Variants in WWP1 observed in about 807,000 individuals in gnomAD.
WWP1 encodes WW domain containing E3 ubiquitin protein ligase 1.
A neutral mutation model predicts 130.6 loss-of-function variants in WWP1; 49 were observed. The ratio of observed to expected loss-of-function variants is 0.38; its 90% CI spans 0.30 to 0.48. The LOEUF (loss-of-function observed/expected upper bound fraction) is 0.48, where lower values mean the gene tolerates loss of function less well. Among genes scored for constraint, WWP1 ranks in the 20% least tolerant of loss-of-function variants. WWP1 has a pLI of 0.99. For missense variants in WWP1, 809 were observed against 1,100.6 expected (o/e 0.74, Z 3.75); for synonymous variants, 332 against 367.8 (o/e 0.90, Z 1.11).
At chr8:86,404,853 C>G (rs1001581009) in intron 8 of WWP1, among the ~76,000 whole-genome samples, 1 of 152,188 alleles carries the variant, frequency 6.6e-6, no homozygotes, top group Non-Finnish European at 1.5e-5. Flanking sequence ...GTGCACTTTG[C>G]CTTCTTCCTA....
At chr8:86,435,810 A>G in intron 16 of WWP1, 106 bp downstream of exon 16, 2 of 1,034,708 alleles carry the variant, frequency 1.9e-6, no homozygotes, top group African/African-American at 1.6e-5. Context: ...GAACACAGCT[A>G]TAATAATAAT....
In WWP1 at chr8:86,461,212, A is replaced by G; in HGVS notation, c.2500-12A>G. ...AGCATTTCATATTAAAGTACATTTA[A>G]TTTCATTACAGTTTGTGAAAGAGAC... On this transcript the variant is annotated splice_polypyrimidine_tract_variant and intron_variant, in intron 22 of 24. Transcript: ENST00000517970. 6.2e-7 allele frequency: 1 copy of G among 1,609,512 alleles called. No individual in the cohort carries two copies. Among genetic ancestry groups the G allele is most frequent in the South Asian group, 1.1e-5 (1 of 90,854 alleles).
intron 17 of WWP1, among the ~76,000 whole-genome samples, chr8:86,439,381 T>C (rs1303625635): frequency 1.3e-5 from 2 of 150,478 alleles, no homozygotes; most frequent in Non-Finnish European, 3.0e-5. Flanking sequence ...TTTGTAGAAA[T>C]GAGGGTCTCA....
intron 5 of WWP1, among the ~76,000 whole-genome samples, chr8:86,397,498 C>T (rs2130480633): frequency 6.6e-6 from 1 of 152,214 alleles, no homozygotes; most frequent in East Asian, 1.9e-4. Context: ...ATGTACAACA[C>T]ATTATTTACT....
intron 14 of WWP1, 134 bp from the exon 15 acceptor site, chr8:86,435,318 A>G: frequency 1.2e-6 from 1 of 858,192 alleles, no homozygotes; most frequent in Non-Finnish European, 1.8e-6. Flanking sequence ...CCCACCATGT[A>G]TGTATACCCT....
At chr8:86,437,084 T>C (rs1048666921) in intron 16 of WWP1, among the ~76,000 whole-genome samples, 4 of 152,206 alleles carry the variant, frequency 2.6e-5, no homozygotes, top group African/African-American at 9.6e-5. Flanking sequence ...TTACCCTGTC[T>C]TGGGAAGAAT....
chr8:86,349,531 T>C (rs1252699927), intron 1 of WWP1, among the ~76,000 whole-genome samples: 1 of 152,168 alleles, frequency 6.6e-6, no homozygotes, highest in Non-Finnish European at 1.5e-5. Context: ...CGGAAAACTG[T>C]TTTGGAAGCT....
At chr8:86,461,351 A>G (rs780718987) in intron 23 of WWP1, 31 bp downstream of exon 23, 1 of 1,581,864 alleles carries the variant, frequency 6.3e-7, no homozygotes, top group Non-Finnish European at 8.7e-7. Context: ...ATTTCTCTGT[A>G]CGTAATTTTG....
intron 11 of WWP1, among the ~76,000 whole-genome samples, chr8:86,429,863 T>A (rs1016273403): frequency 1.3e-5 from 2 of 152,190 alleles, no homozygotes; most frequent in Non-Finnish European, 2.9e-5. Context: ...AACTAATAAT[T>A]AATTTGATAG....
At chr8:86,407,787 TAG>T (rs1215990313) in intron 8 of WWP1, among the ~76,000 whole-genome samples, 1 of 152,204 alleles carries the variant, frequency 6.6e-6, no homozygotes, top group African/African-American at 2.4e-5. Flanking sequence ...GGGGAGATTG[TAG>T]AGAGTTCCCA....
intron 9 of WWP1, among the ~76,000 whole-genome samples, chr8:86,415,129 G>A (rs961509848): frequency 6.6e-6 from 1 of 152,116 alleles, no homozygotes; most frequent in African/African-American, 2.4e-5. Context: ...GTTATGCCAA[G>A]CACGATTTTG....
intron 1 of WWP1, among the ~76,000 whole-genome samples, chr8:86,358,595 A>G (rs551552091): frequency 4.0e-5 from 6 of 151,588 alleles, no homozygotes; most frequent in African/African-American, 1.5e-4. Flanking sequence ...TGATTGTCCT[A>G]CCTCAGCCTC....
At chr8:86,464,936 G>GA (rs1811967276) in intron 24 of WWP1, among the ~76,000 whole-genome samples, 1 of 152,110 alleles carries the variant, frequency 6.6e-6, no homozygotes, top group African/African-American at 2.4e-5. Context: ...TGTGTGTATT[G>GA]AGAGAGAGAT....
chr8:86,398,403 T>C lies in WWP1; in HGVS notation c.396T>C (p.Thr132=). The change falls in exon 6 of 25, where the codon ACT becomes ACC. Residue 132 remains threonine (T), a synonymous_variant. Coordinates refer to ENST00000517970, the MANE Select transcript of WWP1 (RefSeq NM_007013.4). The part of the protein sequence containing the change: ...SLENKNGIAQ[T]GELTVVLDGL... Reference sequence around the variant, plus strand: ...AAAACAAGAATGGCATAGCACAAACTGGTGAATTGACAGTTGTGCTTGATG... The same window carrying C: ...AAAACAAGAATGGCATAGCACAAACCGGTGAATTGACAGTTGTGCTTGATG... The C allele has an allele frequency of 6.2e-7, 1 of 1,612,374 alleles. No individual in the cohort carries two copies. Among genetic ancestry groups the C allele is most frequent in the Non-Finnish European group, 8.5e-7 (1 of 1,179,026 alleles).
At chr8:86,407,617 T>TC (rs1312413121) in intron 8 of WWP1, among the ~76,000 whole-genome samples, 5 of 152,188 alleles carry the variant, frequency 3.3e-5, no homozygotes, top group Non-Finnish European at 5.9e-5. Flanking sequence ...AACAGTAATC[T>TC]CTCCAGTCAA....
chr8:86,414,887 C>CCCCT (rs1554567403), intron 9 of WWP1, among the ~76,000 whole-genome samples: 2 of 129,788 alleles, frequency 1.5e-5, no homozygotes, highest in African/African-American at 3.1e-5. Flanking sequence ...AATCCCCCCC[C>CCCCT]CATCCCCCCA....
In WWP1 at chr8:86,430,710, C is replaced by T; in HGVS notation, c.1346C>T (p.Ala449Val). Residue 449 changes from alanine to valine, a missense_variant, in exon 12 of 25, where the codon GCT (alanine) becomes GTT (valine). Transcript: ENST00000517970. Reference sequence around the variant, plus strand: ...TTCTCCAATCAGGCTTCAATGTTAGCTGCAGAAAATGACCCTTATGGACCT... The same window carrying T: ...TTCTCCAATCAGGCTTCAATGTTAGTTGCAGAAAATGACCCTTATGGACCT... The part of the protein sequence containing the change: ...QRYLYSASML[A>V]AENDPYGPLP... 6.3e-7 allele frequency: 1 copy of T among 1,582,116 alleles called. No individual in the cohort carries two copies. The highest frequency in any genetic ancestry group is 8.6e-7 in the Non-Finnish European group (1 of 1,162,868).
chr8:86,450,144 G>A (rs951815280), intron 20 of WWP1, among the ~76,000 whole-genome samples: 3 of 151,980 alleles, frequency 2.0e-5, no homozygotes, highest in Non-Finnish European at 4.4e-5. Flanking sequence ...AAATTGCTAT[G>A]GCCTTTCAAA....
intron 5 of WWP1, among the ~76,000 whole-genome samples, chr8:86,391,595 G>C (rs1807342797): frequency 6.6e-6 from 1 of 151,742 alleles, no homozygotes; most frequent in South Asian, 2.1e-4. Flanking sequence ...TCAATAATAT[G>C]TTTTTGCAAT....
Sources: gnomAD v4.1 joint callset for allele counts (sites outside exome capture counted in the v4.1 genomes callset) on GRCh38, gnomAD v4.1.1 for gene constraint, MANE v1.5 for transcripts, NCBI Gene and HGNC (gene_info 2026-07-23, HGNC 2026-07-21) for gene names.